The following PABPC1 variants were observed in gnomAD, a reference collection of about 807,000 sequenced individuals.
PABPC1 encodes the protein polyadenylate-binding protein 1.
In PABPC1, 4 loss-of-function variants were observed where a neutral mutation model predicts 74.0. The observed-to-expected ratio is 0.05, with a 90% CI of 0.03 to 0.12. PABPC1 has a LOEUF of 0.12. Among genes scored for constraint, PABPC1 ranks in the 10% least tolerant of loss-of-function variants. PABPC1 has a pLI of 1.00. For synonymous variants in PABPC1, 227 were observed against 264.1 expected (o/e 0.86, Z 1.36); for missense variants, 271 against 821.1 (o/e 0.33, Z 8.19).
rs1285661263 is a variant in PABPC1, at chr8:100,709,971, A to C, written c.973-240T>G. On this transcript the variant is annotated intron_variant, in intron 7 of 14. Transcript: ENST00000318607. The stretch of plus-strand genomic sequence containing the variant: ...GAACTGACAGAAGTGAAGGCTGCAC[A>C]GAAACTTTTAAAGATTTTAGATACT... 1.5e-5 allele frequency: 6 copies of C among 401,836 alleles called. No individual in the cohort carries two copies. In the East Asian group the frequency reaches 2.3e-4, roughly 15 times the overall value. 24.9% of individuals were successfully genotyped at this position (401,836 alleles called of 1,614,324 possible).
intron 9 of PABPC1, 98 bp downstream of exon 9, chr8:100,709,035 T>C: frequency 2.2e-6 from 2 of 917,354 alleles, no homozygotes; most frequent in Non-Finnish European, 1.8e-6. Flanking sequence ...TTATGTGAAA[T>C]GCAATAGTTA....
In PABPC1 at chr8:100,719,754, T is replaced by C. The variant is rs969060741; in HGVS notation, c.194-1474A>G. On this transcript the variant is annotated intron_variant, in intron 1 of 14. Coordinates refer to ENST00000318607, the MANE Select transcript of PABPC1 (RefSeq NM_002568.4). ...GTTAAGCTGAGAAAGAGTAACACTT[T>C]CAAGTTTTCATTTTGTGGTCTCTAG... 4.6e-5 allele frequency among the ~76,000 whole-genome samples: 7 copies of C among 152,210 alleles called. No individual in the cohort carries two copies. In the South Asian group the frequency reaches 1.2e-3, roughly 27 times the overall value.
rs1342320905 is a variant in PABPC1, at chr8:100,707,013, G to A, written c.1337-16C>T. 3 of 1,128,218 alleles carry A rather than the reference G, an allele frequency of 2.7e-6. No individual in the cohort carries two copies. Among genetic ancestry groups the A allele is most frequent in the Non-Finnish European group, 2.5e-6 (2 of 792,090 alleles). The allele number at this position is 1,128,218 out of a possible 1,614,324, so 69.9% of individuals were successfully genotyped here. ...TTTTGGAATGCTGCATTTTAAAGAT[G>A]TGAATATACATTAACTGGGAAAACT... is the stretch of plus-strand genomic sequence containing the variant. On this transcript the variant is annotated splice_polypyrimidine_tract_variant and intron_variant, in intron 9 of 14. Coordinates refer to ENST00000318607, the MANE Select transcript of PABPC1 (RefSeq NM_002568.4).
Position 100,712,809 on chromosome 8 carries a change from A to G in PABPC1, c.739-20T>C, listed in dbSNP as rs200676356. 73 of 975,824 alleles carry G rather than the reference A, an allele frequency of 7.5e-5. No homozygotes were observed. The highest frequency in any genetic ancestry group is 3.5e-4 in the Admixed American group (8 of 22,798). The allele number at this position is 975,824 out of a possible 1,614,324, so 60.4% of individuals were successfully genotyped here. ...CACAGCCTTCCCCCCAAAAAAAAAG[A>G]AAAAAAAAAAATCACAAAACTTTCA... On this transcript the variant is annotated intron_variant, in intron 5 of 14. Transcript: ENST00000318607.
chr8:100,713,467 G>A (rs917851357), intron 4 of PABPC1, among the ~76,000 whole-genome samples: 8 of 152,156 alleles, frequency 5.3e-5, no homozygotes, highest in Non-Finnish European at 1.0e-4. Flanking sequence ...CAAAAGAGTT[G>A]CATTTTTTAC....
At chr8:100,704,017 T>C (rs191273146) in intron 14 of PABPC1, 12 of 292,364 alleles carry the variant, frequency 4.1e-5, no homozygotes, top group African/African-American at 1.4e-4. Context: ...ATCGCGTCAA[T>C]GCACTCCAGG....
At chr8:100,704,119 G>T in intron 14 of PABPC1, 178 bp downstream of exon 14, 1 of 507,042 alleles carries the variant, frequency 2.0e-6, no homozygotes. Flanking sequence ...AACAGTTAAC[G>T]GGTAAAATTC....
In PABPC1 at chr8:100,709,460, T is replaced by A; in HGVS notation, c.1244A>T (p.Gln415Leu). ...PSGYFMAAIPQTQNRAAYYPP... is the reference protein window; with the variant it reads ...PSGYFMAAIPLTQNRAAYYPP... ...TTCTGGTTGCCTTCTAAAACCTACC[T>A]GTGGGATAGCTGCCATGAAGTAACC... Residue 415 changes from glutamine to leucine, a missense_variant and splice_region_variant, in exon 8 of 15, where the codon CAG becomes CTG. Transcript: ENST00000318607. 1 of 1,614,134 alleles carries A rather than the reference T, an allele frequency of 6.2e-7. No homozygotes were observed. Among genetic ancestry groups the A allele is most frequent in the Non-Finnish European group, 8.5e-7 (1 of 1,179,996 alleles).
intron 7 of PABPC1, among the ~76,000 whole-genome samples, chr8:100,712,005 C>T (rs1209512529): frequency 6.6e-6 from 1 of 152,174 alleles, no homozygotes; most frequent in Non-Finnish European, 1.5e-5. Flanking sequence ...TGCTAGGGGG[C>T]AGGGGAGGGA....
intron 3 of PABPC1, among the ~76,000 whole-genome samples, chr8:100,716,480 G>C (rs556497643): frequency 6.6e-6 from 1 of 152,262 alleles, no homozygotes; most frequent in African/African-American, 2.4e-5. Flanking sequence ...CAGCAAAGCA[G>C]AAGGAAAAAC....
intron 9 of PABPC1, among the ~76,000 whole-genome samples, chr8:100,708,468 C>G (rs1051051284): frequency 6.6e-6 from 1 of 151,964 alleles, no homozygotes; most frequent in African/African-American, 2.4e-5. Context: ...AAAATAAACT[C>G]TAAGTGCTCT....
At chr8:100,708,908 A>AAATAAATAAATAAATAAATAAAT (rs1563610918) in intron 9 of PABPC1, among the ~76,000 whole-genome samples, 4 of 132,612 alleles carry the variant, frequency 3.0e-5, no homozygotes, top group African/African-American at 1.1e-4. Context: ...AATAAATAAA[A>AAATAAATAAATAAATAAATAAAT]AATGAAGAGC....
intron 1 of PABPC1, among the ~76,000 whole-genome samples, chr8:100,720,082 C>T (rs1810775683): frequency 6.6e-6 from 1 of 152,160 alleles, no homozygotes; most frequent in Non-Finnish European, 1.5e-5. Flanking sequence ...TTAAATTCCA[C>T]CCTTAAGGCC....
rs763470884 is a variant in PABPC1, at chr8:100,704,947, A to G, written c.1797T>C (p.Ser599=). The change falls in exon 13 of 15, where the codon TCT becomes TCC. Residue 599 remains serine (S), a synonymous_variant. Transcript: ENST00000318607. ...TCACCTTAGAACGGAGTGACTCTGG[A>G]GACTCGAGCATATGAAGAAGTTCTG... ...DNSELLHMLE[S]PESLRSKVDE... The G allele has an allele frequency of 3.7e-6, 6 of 1,612,358 alleles. No individual in the cohort carries two copies. Among genetic ancestry groups the G allele is most frequent in the African/African-American group, 1.3e-5 (1 of 74,892 alleles).
At chr8:100,705,568 A>G in intron 12 of PABPC1, 21 bp downstream of exon 12, 1 of 1,323,488 alleles carries the variant, frequency 7.6e-7, no homozygotes, top group East Asian at 2.3e-5. Context: ...TGAACTGACA[A>G]GGTGGGACAG....
intron 8 of PABPC1, 76 bp from the exon 9 acceptor site, chr8:100,709,299 T>C (rs2129696187): frequency 6.7e-7 from 1 of 1,484,904 alleles, no homozygotes; most frequent in South Asian, 1.1e-5. Flanking sequence ...ATGTACTTTT[T>C]CAAAACATTT....
At chr8:100,704,887 A>G in intron 13 of PABPC1, 39 bp downstream of exon 13, 1 of 1,607,820 alleles carries the variant, frequency 6.2e-7, no homozygotes, top group Non-Finnish European at 8.5e-7. Context: ...CCACGTAATA[A>G]CTGTGTAAGA....
rs1011986517 is a variant in PABPC1, at chr8:100,707,248, A to G, written c.1337-251T>C. The G allele has an allele frequency of 1.2e-5, 4 of 336,810 alleles. No homozygotes were observed. In the Admixed American group the frequency reaches 1.8e-4, roughly 15 times the overall value. The allele number at this position is 336,810 out of a possible 1,614,324, so 20.9% of individuals were successfully genotyped here. ...GGTCGGTGGGCTTCTCCCTGTATGCAGCGACGAGAGAGTGCAGAAATAAAG... is the reference window on the plus strand; with the variant it reads ...GGTCGGTGGGCTTCTCCCTGTATGCGGCGACGAGAGAGTGCAGAAATAAAG... On this transcript the variant is annotated intron_variant, in intron 9 of 14. Transcript: ENST00000318607.
intron 1 of PABPC1, among the ~76,000 whole-genome samples, chr8:100,718,815 T>C (rs1432777980): frequency 6.6e-6 from 1 of 152,172 alleles, no homozygotes; most frequent in South Asian, 2.1e-4. Flanking sequence ...TTCTTAATTA[T>C]TGGGGGGAGG....
Sources: allele counts gnomAD v4.1 joint callset (sites outside exome capture counted in the v4.1 genomes callset), GRCh38; gene constraint gnomAD v4.1.1; transcripts MANE v1.5; gene names NCBI Gene and HGNC (gene_info 2026-07-23, HGNC 2026-07-21).